Variants in TCEAL8 observed in about 807,000 individuals in gnomAD.
The protein encoded by TCEAL8 is transcription elongation factor A like 8, also known as transcription elongation factor A protein-like 8.
For synonymous variants in TCEAL8, 41 were observed against 29.6 expected (o/e 1.38, Z -1.25); for missense variants, 78 against 92.0 (o/e 0.85, Z 0.62).
Position 103,253,220 on chromosome X carries a change from G to A in TCEAL8, c.*406C>T. The A allele has an allele frequency of 7.6e-6, 1 of 132,236 alleles. No individual in the cohort carries two copies. The highest frequency in any genetic ancestry group is 1.5e-5 in the Non-Finnish European group (1 of 66,149). 10.9% of individuals were successfully genotyped at this position (132,236 alleles called of 1,213,427 possible). On this transcript the variant is annotated 3_prime_UTR_variant, in exon 3 of 3. Coordinates refer to ENST00000372685, the MANE Select transcript of TCEAL8 (RefSeq NM_153333.3). ...TACATATAAGCAAAAAGAACAAAAA[G>A]AAGAAAACAAATAAAATTTCACACC...
chrX:103,254,442 C>G (rs1925182672), intron 2 of TCEAL8, among the ~76,000 whole-genome samples, 163 bp downstream of exon 2: 3 of 110,722 alleles, frequency 2.7e-5, no homozygotes, highest in African/African-American at 9.9e-5. Context: ...TCTTAAGCCT[C>G]CTCCTCCCCC....
chrX:103,254,882 T>C (rs749341308), intron 1 of TCEAL8, among the ~76,000 whole-genome samples, 196 bp downstream of exon 1: 69 of 110,161 alleles, frequency 6.3e-4, no homozygotes, highest in Non-Finnish European at 1.2e-3. Flanking sequence ...TTTCTATGTC[T>C]CTCTCTCAGG....
In TCEAL8 at chrX:103,253,659, G is replaced by A. The variant is rs144063480; in HGVS notation, c.321C>T (p.Arg107=). ...TAAAGCACACAGGATAAGGACGGCTGCGTGAATGTCTTTGCTTCCAATGCA... is the reference window on the plus strand; with the variant it reads ...TAAAGCACACAGGATAAGGACGGCTACGTGAATGTCTTTGCTTCCAATGCA... ...VMMHWKQRHS[R]SRPYPVCFRP The change falls in exon 3 of 3, where the codon CGC becomes CGT. Residue 107 remains arginine, a synonymous_variant. Coordinates refer to ENST00000372685, the MANE Select transcript of TCEAL8 (RefSeq NM_153333.3). 9.1e-6 allele frequency: 11 copies of A among 1,210,012 alleles called. No homozygotes were observed. The African/African-American group carries it at 1.9e-4, about 21-fold the overall frequency.
chrX:103,253,745 C>G lies in TCEAL8; in HGVS notation c.235G>C (p.Val79Leu), dbSNP rs775877842. ...TCCCTAAGCCTTTCAAGCTCATCTACTCCTCTTATCATTTCTTCAGGGTCC... is the reference window on the plus strand; with the variant it reads ...TCCCTAAGCCTTTCAAGCTCATCTAGTCCTCTTATCATTTCTTCAGGGTCC... The part of the protein sequence containing the change: ...HLDPEEMIRG[V>L]DELERLREEI... Residue 79 changes from valine to leucine, a missense_variant, in exon 3 of 3, where the codon GTA becomes CTA. By Grantham distance (32) the Val-to-Leu change is conservative. Transcript: ENST00000372685. 2 of 1,212,046 alleles carry G rather than the reference C, an allele frequency of 1.7e-6. No homozygotes were observed. The highest frequency in any genetic ancestry group is 5.9e-5 in the East Asian group (2 of 33,849).
intron 2 of TCEAL8, 81 bp downstream of exon 2, chrX:103,254,524 C>G (rs1925185250): frequency 8.8e-6 from 1 of 113,482 alleles, no homozygotes; most frequent in African/African-American, 3.3e-5. Flanking sequence ...TGCTGCGACC[C>G]CAGGATGTGC....
rs775393703 is a variant in TCEAL8 at position 103,253,912 on chromosome X, G to A, written c.68C>T (p.Pro23Leu). 36 of 1,210,573 alleles carry A rather than the reference G, an allele frequency of 3.0e-5. No homozygotes were observed. In the Admixed American group the frequency reaches 7.4e-4, roughly 25 times the overall value. The change falls in exon 3 of 3, where the codon CCT (proline) becomes CTT (leucine). Residue 23 changes from proline to leucine, a missense_variant. Pro to Leu is a moderately conservative substitution (Grantham distance 98). Coordinates refer to ENST00000372685, the MANE Select transcript of TCEAL8 (RefSeq NM_153333.3). ...QNMPKAEEDR[P>L]LEDVPQEAEG... Reference sequence around the variant, plus strand: ...TGCCTCCTGTGGTACATCCTCCAAAGGGCGATCTTCCTCGGCCTTTGGCAT... The same window carrying A: ...TGCCTCCTGTGGTACATCCTCCAAAAGGCGATCTTCCTCGGCCTTTGGCAT...
In TCEAL8 at chrX:103,253,929, C is replaced by G; in HGVS notation, c.51G>C (p.Lys17Asn). The G allele has an allele frequency of 8.3e-7, 1 of 1,211,862 alleles. No homozygotes were observed. Among genetic ancestry groups the G allele is most frequent in the Non-Finnish European group, 1.1e-6 (1 of 895,458 alleles). The change falls in exon 3 of 3, where the codon AAG (lysine) becomes AAC (asparagine). Residue 17 changes from lysine to asparagine, a missense_variant. By Grantham distance (94) the Lys-to-Asn change is moderately conservative (BLOSUM62 0). Transcript: ENST00000372685. ...CCTCCAAAGGGCGATCTTCCTCGGC[C>G]TTTGGCATGTTCTGTGGTTTTCCCT... ...ENEGKPQNMP[K>N]AEEDRPLEDV...
Position 103,253,351 on chromosome X carries a change from G to A in TCEAL8, c.*275C>T, listed in dbSNP as rs1056922015. The A allele has an allele frequency of 2.9e-6, 1 of 344,150 alleles. No individual in the cohort carries two copies. Among genetic ancestry groups the A allele is most frequent in the Non-Finnish European group, 5.0e-6 (1 of 199,599 alleles). 28.4% of individuals were successfully genotyped at this position (344,150 alleles called of 1,213,427 possible). A position where few individuals can be genotyped will look rare whatever the true frequency, so the allele number is the denominator to read the frequency against. On this transcript the variant is annotated 3_prime_UTR_variant, in exon 3 of 3. Coordinates refer to ENST00000372685, the MANE Select transcript of TCEAL8 (RefSeq NM_153333.3). Reference sequence around the variant, plus strand: ...GAATTTTATCCTACATATGTGAGCTGATATTAAATATGCTGCTTTGCCATA... The same window carrying A: ...GAATTTTATCCTACATATGTGAGCTAATATTAAATATGCTGCTTTGCCATA...
In TCEAL8 at chrX:103,253,680, A is replaced by G. The variant is rs140708460; in HGVS notation, c.300T>C (p.His100=). Residue 100 remains histidine, a synonymous_variant, in exon 3 of 3, where the codon CAT becomes CAC. Transcript: ENST00000372685. ...RRVRNKFVMM[H]WKQRHSRSRP... ...GGCTGCGTGAATGTCTTTGCTTCCA[A>G]TGCATCATCACAAACTTGTTTCTTA... The G allele has an allele frequency of 1.2e-3, 1,485 of 1,210,732 alleles. 13 individuals are homozygous for G. The African/African-American group carries it at 0.022, about 18-fold the overall frequency.
In TCEAL8 at chrX:103,253,836, TC is replaced by T; in HGVS notation, c.143del (p.Gly48GlufsTer28). 1 of 1,212,191 alleles carries T rather than the reference TC, an allele frequency of 8.2e-7. No homozygotes were observed. ...SEEGVSQEAE[G>X]NPRGGPNQPG... ...GCTGATTCGGCCCTCCTCTGGGGTT[TC>T]CTTCTGCTTCCTGGCTTACGCCTTC... On this transcript the variant is annotated frameshift_variant, in exon 3 of 3. Coordinates refer to ENST00000372685, the MANE Select transcript of TCEAL8 (RefSeq NM_153333.3). LOFTEE classifies it high-confidence loss of function.
chrX:103,254,288 G>T (rs935852532), intron 2 of TCEAL8, among the ~76,000 whole-genome samples: 9 of 110,287 alleles, frequency 8.2e-5, no homozygotes, highest in Non-Finnish European at 1.7e-4. Context: ...ACTGAAATGG[G>T]AGCAGTACGG....
chrX:103,254,053 GCAAA>G, intron 2 of TCEAL8, 36 bp from the exon 3 acceptor site: 1 of 933,163 alleles, frequency 1.1e-6, no homozygotes, highest in South Asian at 2.3e-5. Context: ...TAGATTCCAG[GCAAA>G]CAGACCAGCA....
chrX:103,254,417 T>G (rs1055629090), intron 2 of TCEAL8, among the ~76,000 whole-genome samples, 188 bp downstream of exon 2: 2 of 109,593 alleles, frequency 1.8e-5, no homozygotes, highest in Non-Finnish European at 3.8e-5. Flanking sequence ...TGGCCTCCCC[T>G]CCCCCTTCAG....
At chrX:103,255,016 C>G (rs1364227102) in intron 1 of TCEAL8, 62 bp downstream of exon 1, 2 of 111,118 alleles carry the variant, frequency 1.8e-5, no homozygotes, top group Non-Finnish European at 1.9e-5. Flanking sequence ...GCCCCGCTTG[C>G]TTTCTGCTCT....
rs778055753 is a variant in TCEAL8, at chrX:103,253,856, C to A, written c.124G>T (p.Val42Leu). The A allele has an allele frequency of 8.3e-7, 1 of 1,210,763 alleles. No homozygotes were observed. Among genetic ancestry groups the A allele is most frequent in the Admixed American group, 2.2e-5 (1 of 45,905 alleles). Residue 42 changes from valine (V) to leucine (L), a missense_variant, in exon 3 of 3, where the codon GTA becomes TTA. Transcript: ENST00000372685. ...GGGTTTCCTTCTGCTTCCTGGCTTA[C>A]GCCTTCTTCGGAAGGTTGAGGATTT... ...EGNPQPSEEG[V>L]SQEAEGNPRG...
chrX:103,254,887 C>A, intron 1 of TCEAL8, among the ~76,000 whole-genome samples, 191 bp downstream of exon 1: 1 of 110,533 alleles, frequency 9.0e-6, no homozygotes, highest in Non-Finnish European at 1.9e-5. Flanking sequence ...ATGTCTCTCT[C>A]TCAGGACCCT....
rs1925165714 is a variant in TCEAL8, at chrX:103,253,819, G to A, written c.161C>T (p.Pro54Leu). ...QEAEGNPRGG[P>L]NQPGQGFKED... Reference sequence around the variant, plus strand: ...TTTAAATCCCTGGCCAGGCTGATTCGGCCCTCCTCTGGGGTTTCCTTCTGC... The same window carrying A: ...TTTAAATCCCTGGCCAGGCTGATTCAGCCCTCCTCTGGGGTTTCCTTCTGC... Residue 54 changes from proline to leucine, a missense_variant, in exon 3 of 3, where the codon CCG becomes CTG. Transcript: ENST00000372685. 9 of 1,211,533 alleles carry A rather than the reference G, an allele frequency of 7.4e-6. No individual in the cohort carries two copies. The highest frequency in any genetic ancestry group is 7.8e-6 in the Non-Finnish European group (7 of 895,492).
chrX:103,253,673 G>T lies in TCEAL8; in HGVS notation c.307C>A (p.Gln103Lys), dbSNP rs780817605. The change falls in exon 3 of 3, where the codon CAA becomes AAA. Residue 103 changes from glutamine (Q) to lysine (K), a missense_variant. Gln to Lys is a moderately conservative substitution (Grantham distance 53). Transcript: ENST00000372685. ...TAAGGACGGCTGCGTGAATGTCTTT[G>T]CTTCCAATGCATCATCACAAACTTG... ...RNKFVMMHWKQRHSRSRPYPV... is the reference protein window; with the variant it reads ...RNKFVMMHWKKRHSRSRPYPV... The T allele has an allele frequency of 5.0e-5, 61 of 1,210,529 alleles. No individual in the cohort carries two copies. In the South Asian group the frequency reaches 9.3e-4, roughly 19 times the overall value.
Position 103,253,313 on chromosome X carries a change from C to T in TCEAL8, c.*313G>A, listed in dbSNP as rs887494273. On this transcript the variant is annotated 3_prime_UTR_variant, in exon 3 of 3. Transcript: ENST00000372685. ...GGATGTATGTATACACACACGCACA[C>T]ACACAAAGTTTGGAATTTTATCCTA... The T allele has an allele frequency of 7.1e-6, 2 of 281,924 alleles. No individual in the cohort carries two copies. Among genetic ancestry groups the T allele is most frequent in the East Asian group, 5.8e-5 (1 of 17,248 alleles). The allele number at this position is 281,924 out of a possible 1,213,427, so 23.2% of individuals were successfully genotyped here.
Sources: gnomAD v4.1 joint callset for allele counts (sites outside exome capture counted in the v4.1 genomes callset) on GRCh38, gnomAD v4.1.1 for gene constraint, MANE v1.5 for transcripts, NCBI Gene and HGNC (gene_info 2026-07-23, HGNC 2026-07-21) for gene names.